MILR1: variants seen among roughly 807,000 people sequenced by gnomAD.
MILR1 encodes allergin-1.
MILR1 carries 31 observed loss-of-function variants against 18.5 expected under a neutral mutation model. That is an observed-to-expected ratio of 1.68 (90% CI 1.26 to 2.26). The LOEUF (loss-of-function observed/expected upper bound fraction) is 2.26. MILR1 is among the 30% of genes most tolerant of loss of function. The pLI is 0.00. For missense variants in MILR1, 257 were observed against 157.4 expected, an observed-to-expected ratio of 1.63 and a Z score of -3.38; for synonymous variants, 85 against 56.2, an observed-to-expected ratio of 1.51 and a Z score of -2.30.
At chr17:64,455,197 A>G (rs1357240766) in intron 3 of MILR1, among the ~76,000 whole-genome samples, 3 of 152,184 alleles carry the variant, frequency 2.0e-5, no homozygotes, top group African/African-American at 7.2e-5. Context: ...ATCAGTTCAT[A>G]TGTTTTTTGT....
chr17:64,484,213 G>C, the MILR1 span: 2 of 152,276 alleles, frequency 1.3e-5, no homozygotes, highest in African/African-American at 4.8e-5. Context: ...AGGCAGGCTG[G>C]GGGAGGTTTT....
the MILR1 span, chr17:64,480,294 A>G: frequency 6.7e-7 from 1 of 1,501,656 alleles, no homozygotes; most frequent in South Asian, 1.2e-5. Context: ...CTTACTTCGA[A>G]TAAAGTTGTT....
downstream of MILR1, among the ~76,000 whole-genome samples, chr17:64,470,800 A>G (rs1355355208): frequency 6.6e-6 from 1 of 152,194 alleles, no homozygotes; most frequent in East Asian, 1.9e-4. Context: ...GCTTGCCCTG[A>G]ACCGTAGCCT....
chr17:64,487,758 T>C, the MILR1 span, among the ~76,000 whole-genome samples: 3 of 152,214 alleles, frequency 2.0e-5, no homozygotes, highest in African/African-American at 7.2e-5. Flanking sequence ...TCCTAGCACT[T>C]TGGGAGGCCA....
At chr17:64,477,699 A>G in the MILR1 span, 1 of 1,082,750 alleles carries the variant, frequency 9.2e-7, no homozygotes, top group African/African-American at 1.6e-5. Context: ...AAATATAAAC[A>G]CTGAATGAAA....
At chr17:64,478,816 G>A in the MILR1 span, among the ~76,000 whole-genome samples, 1 of 152,052 alleles carries the variant, frequency 6.6e-6, no homozygotes, top group Non-Finnish European at 1.5e-5. Flanking sequence ...AGAATCGCTT[G>A]AACACGGGAG....
At chr17:64,458,676 T>TG (rs1367986053) in intron 4 of MILR1, among the ~76,000 whole-genome samples, 53 of 152,090 alleles carry the variant, frequency 3.5e-4, no homozygotes, top group African/African-American at 1.3e-3. Flanking sequence ...CTCCAGGCTA[T>TG]GCACCTTCCC....
At chr17:64,485,187 ATTTCT>A in the MILR1 span, 1 of 154,668 alleles carries the variant, frequency 6.5e-6, no homozygotes, top group African/African-American at 2.4e-5. Context: ...CCCATTAATC[ATTTCT>A]TTTCTCTCCT....
the MILR1 span, among the ~76,000 whole-genome samples, chr17:64,477,033 T>A: frequency 0.028 from 4,297 of 152,272 alleles, 79 homozygotes; most frequent in Non-Finnish European, 0.043. Flanking sequence ...GGAAACAAAC[T>A]ACAATATATG....
At chr17:64,494,259 C>T in the MILR1 span, among the ~76,000 whole-genome samples, 1 of 152,116 alleles carries the variant, frequency 6.6e-6, no homozygotes, top group Non-Finnish European at 1.5e-5. Context: ...TTAATTTCGG[C>T]TAATCATTTT....
chr17:64,480,540 A>G, the MILR1 span: 2 of 493,416 alleles, frequency 4.1e-6, no homozygotes, highest in Admixed American at 3.3e-5. Flanking sequence ...TAACTTCCAT[A>G]TCATATACTT....
downstream of MILR1, among the ~76,000 whole-genome samples, chr17:64,473,350 CAA>C (rs1489803189): frequency 2.5e-4 from 18 of 71,516 alleles, no homozygotes; most frequent in Non-Finnish European, 2.5e-4. Context: ...GGCTCCGTCT[CAA>C]AAAAAAAAAA....
At chr17:64,463,345 C>G (rs2037473688) in intron 5 of MILR1, among the ~76,000 whole-genome samples, 1 of 152,088 alleles carries the variant, frequency 6.6e-6, no homozygotes, top group Non-Finnish European at 1.5e-5. Flanking sequence ...TTATGGCCAC[C>G]ACTGGTTAAG....
the MILR1 span, among the ~76,000 whole-genome samples, chr17:64,477,631 A>T: frequency 2.0e-5 from 3 of 152,216 alleles, no homozygotes; most frequent in African/African-American, 7.2e-5. Flanking sequence ...TTAATCCAGT[A>T]TAGTAGATTT....
chr17:64,477,815 A>G, the MILR1 span: 1 of 1,561,118 alleles, frequency 6.4e-7, no homozygotes, highest in Non-Finnish European at 8.6e-7. Flanking sequence ...TTATACAAAT[A>G]TAAAAATCTA....
chr17:64,474,277 G>A, the MILR1 span, among the ~76,000 whole-genome samples: 1 of 152,144 alleles, frequency 6.6e-6, no homozygotes, highest in Admixed American at 6.5e-5. Context: ...GTTTCACCGT[G>A]TTGGCCAGGC....
chr17:64,462,354 A>G (rs2144057355), intron 5 of MILR1, among the ~76,000 whole-genome samples: 1 of 152,216 alleles, frequency 6.6e-6, no homozygotes, highest in Admixed American at 6.5e-5. Context: ...TTAATTAAAC[A>G]CAAGTTTAAG....
At position 64,468,538 on chromosome 17, in the gene MILR1, C is replaced by A; in HGVS notation, c.*257C>A. On this transcript the variant is annotated 3_prime_UTR_variant, in exon 10 of 10. Coordinates refer to ENST00000619286, the MANE Select transcript of MILR1 (RefSeq NM_001085423.2). ...TCCTGACCTCAGATGATCTGCCTGC[C>A]TCGGCCTCCCAAAGTGCTGGAACTA... 1 of 883,060 alleles carries A rather than the reference C, an allele frequency of 1.1e-6. No homozygotes were observed. Among genetic ancestry groups the A allele is most frequent in the Non-Finnish European group, 1.5e-6 (1 of 676,840 alleles). The allele number at this position is 883,060 out of a possible 1,614,324, so 54.7% of individuals were successfully genotyped here.
At chr17:64,477,720 C>A in the MILR1 span, 4 of 1,242,836 alleles carry the variant, frequency 3.2e-6, no homozygotes, top group South Asian at 7.0e-5. Flanking sequence ...GCAAGCACCA[C>A]AAATGTCCAC....
Sources: gnomAD v4.1 joint callset for allele counts (sites outside exome capture counted in the v4.1 genomes callset) on GRCh38, gnomAD v4.1.1 for gene constraint, MANE v1.5 for transcripts, NCBI Gene and HGNC (gene_info 2026-07-23, HGNC 2026-07-21) for gene names.